The following PRKCI variants were observed in gnomAD, a reference collection of about 807,000 sequenced individuals.
The protein encoded by PRKCI is protein kinase C iota type.
Under a neutral mutation model 84.0 loss-of-function variants are expected in PRKCI, and 43 were observed. The ratio of observed to expected loss-of-function variants is 0.51; its 90% CI spans 0.40 to 0.66. The LOEUF is 0.66. Among genes scored for constraint, PRKCI ranks in the 30% least tolerant of loss-of-function variants. The pLI, the probability that PRKCI is intolerant of heterozygous loss-of-function variation, is 0.00. For missense variants in PRKCI, 459 were observed against 745.6 expected (o/e 0.62, Z 4.48); for synonymous variants, 216 against 234.4 (o/e 0.92, Z 0.72).
At chr3:170,254,026 G>A (rs1434886402) in intron 2 of PRKCI, among the ~76,000 whole-genome samples, 1 of 151,664 alleles carries the variant, frequency 6.6e-6, no homozygotes, top group African/African-American at 2.4e-5. Context: ...GAACCCAGGA[G>A]GCAGAGGTTG....
At chr3:170,279,142 C>G (rs1490433348) in intron 8 of PRKCI, among the ~76,000 whole-genome samples, 2 of 152,192 alleles carry the variant, frequency 1.3e-5, no homozygotes, top group South Asian at 4.1e-4. Flanking sequence ...ATCCTCCCAC[C>G]TCAGCCTCCC....
intron 1 of PRKCI, among the ~76,000 whole-genome samples, chr3:170,224,940 G>A (rs1437916163): frequency 2.0e-5 from 3 of 152,098 alleles, no homozygotes; most frequent in Non-Finnish European, 4.4e-5. Context: ...ATGTAAATAG[G>A]CCCAGTTAGT....
intron 1 of PRKCI, among the ~76,000 whole-genome samples, chr3:170,229,645 T>C (rs1732735299): frequency 6.6e-6 from 1 of 152,186 alleles, no homozygotes; most frequent in African/African-American, 2.4e-5. Flanking sequence ...TTTAAAGTTG[T>C]CTTCATCAAC....
chr3:170,285,660 A>G (rs774341341), intron 12 of PRKCI, among the ~76,000 whole-genome samples: 3 of 152,230 alleles, frequency 2.0e-5, no homozygotes, highest in Non-Finnish European at 4.4e-5. Context: ...CATGCATTAA[A>G]GAATAAAATC....
chr3:170,295,628 A>C (rs1207911797), intron 14 of PRKCI, among the ~76,000 whole-genome samples: 1 of 150,940 alleles, frequency 6.6e-6, no homozygotes, highest in East Asian at 2.0e-4. Flanking sequence ...GTGAGCTGAG[A>C]TCGTGCCACT....
intron 2 of PRKCI, among the ~76,000 whole-genome samples, chr3:170,256,676 G>C (rs1733588810): frequency 6.6e-6 from 1 of 151,978 alleles, no homozygotes. Context: ...TTTCTGCCCC[G>C]ATCTTTATTA....
At chr3:170,290,753 A>G (rs1430894131) in intron 12 of PRKCI, among the ~76,000 whole-genome samples, 1 of 151,706 alleles carries the variant, frequency 6.6e-6, no homozygotes, top group Non-Finnish European at 1.5e-5. Flanking sequence ...TATTTGTTAC[A>G]ATTTCTTGGT....
chr3:170,275,546 A>G (rs1734095211), intron 8 of PRKCI, among the ~76,000 whole-genome samples: 1 of 152,144 alleles, frequency 6.6e-6, no homozygotes, highest in Non-Finnish European at 1.5e-5. Context: ...ATTTAAGGAT[A>G]CTGTTTAAAA....
In PRKCI at chr3:170,304,303, C is replaced by A. The variant is rs2108870537; in HGVS notation, c.*1176C>A. On this transcript the variant is annotated 3_prime_UTR_variant, in exon 18 of 18. Coordinates refer to ENST00000295797, the MANE Select transcript of PRKCI (RefSeq NM_002740.6). The stretch of plus-strand genomic sequence containing the variant: ...TATTTCCTATTGGAGAGTGAATCCC[C>A]ACAGTTGCTTTTTGTGACTTGATTC... The A allele has an allele frequency of 6.6e-6, 1 of 152,236 alleles. No homozygotes were observed. The highest frequency in any genetic ancestry group is 2.1e-4 in the South Asian group (1 of 4,822). The allele number at this position is 152,236 out of a possible 1,614,324, so 9.4% of individuals were successfully genotyped here. A position where few individuals can be genotyped will look rare whatever the true frequency, so the allele number is the denominator to read the frequency against.
rs555601105 is a variant in PRKCI, at chr3:170,304,819, A to G, written c.*1692A>G. ...TATCTAAATTACTTAAAATTTTTTAATCTTAGTAAAAATTTTAGGAAAGTT... is the reference window on the plus strand; with the variant it reads ...TATCTAAATTACTTAAAATTTTTTAGTCTTAGTAAAAATTTTAGGAAAGTT... On this transcript the variant is annotated 3_prime_UTR_variant, in exon 18 of 18. Transcript: ENST00000295797. 6.6e-6 allele frequency: 1 copy of G among 152,264 alleles called. No homozygotes were observed. The highest frequency in any genetic ancestry group is 6.5e-5 in the Admixed American group (1 of 15,294). 9.4% of individuals were successfully genotyped at this position (152,264 alleles called of 1,614,324 possible). A position where few individuals can be genotyped will look rare whatever the true frequency, so the allele number is the denominator to read the frequency against.
intron 12 of PRKCI, among the ~76,000 whole-genome samples, chr3:170,286,268 T>G (rs145496857): frequency 0.012 from 1,791 of 152,160 alleles, 39 homozygotes; most frequent in African/African-American, 0.041. Context: ...CATAAACAAT[T>G]AGAAAGCTTA....
At chr3:170,284,360 G>T in intron 11 of PRKCI, 101 bp from the exon 12 acceptor site, 1 of 1,043,248 alleles carries the variant, frequency 9.6e-7, no homozygotes, top group Non-Finnish European at 1.3e-6. Flanking sequence ...AAATCACTGG[G>T]AGAAAAAAAT....
intron 2 of PRKCI, among the ~76,000 whole-genome samples, chr3:170,251,061 C>T (rs1733431619): frequency 6.6e-6 from 1 of 151,986 alleles, no homozygotes; most frequent in South Asian, 2.1e-4. Flanking sequence ...ATTTAATCCA[C>T]AGTAGCGACA....
chr3:170,278,963 G>T (rs1002966576), intron 8 of PRKCI, among the ~76,000 whole-genome samples: 3 of 152,326 alleles, frequency 2.0e-5, no homozygotes, highest in Middle Eastern at 3.4e-3. Flanking sequence ...TCACATTTCA[G>T]CATGAGATTT....
intron 8 of PRKCI, 73 bp downstream of exon 8, chr3:170,275,360 A>C: frequency 7.1e-7 from 1 of 1,414,700 alleles, no homozygotes; most frequent in Non-Finnish European, 9.5e-7. Context: ...AAAGTATGAC[A>C]TATTGACCTG....
chr3:170,227,382 C>T (rs1577336527), intron 1 of PRKCI, among the ~76,000 whole-genome samples: 2 of 152,070 alleles, frequency 1.3e-5, no homozygotes, highest in East Asian at 3.8e-4. Flanking sequence ...AATTAAGAGA[C>T]TTGTGGAGGG....
At chr3:170,256,510 TG>T (rs1208236088) in intron 2 of PRKCI, among the ~76,000 whole-genome samples, 2 of 152,202 alleles carry the variant, frequency 1.3e-5, no homozygotes, top group Non-Finnish European at 2.9e-5. Context: ...CAGTATTAGT[TG>T]TATTGTCTCC....
chr3:170,270,494 A>G lies in PRKCI; in HGVS notation c.524A>G (p.Lys175Arg), dbSNP rs1733974957. ...GRQGYKCINC[K>R]LLVHKKCHKL... is the part of the protein sequence containing the mutation. ...CAAGGATATAAGTGCATCAACTGCA[A>G]ACTCTTGGTTCATAAGAAGTGCCAT... Residue 175 changes from lysine to arginine, a missense_variant, in exon 6 of 18, where the codon AAA (lysine) becomes AGA (arginine). Lys to Arg is a conservative substitution (Grantham distance 26). Around this residue, in one of 2 missense-constraint regions of PRKCI, gnomAD observed 250 missense variants for 319.7 expected, o/e 0.78. Transcript: ENST00000295797. 3 of 1,613,988 alleles carry G rather than the reference A, an allele frequency of 1.9e-6. No homozygotes were observed. The highest frequency in any genetic ancestry group is 1.7e-6 in the Non-Finnish European group (2 of 1,179,978).
chr3:170,228,978 C>T lies in PRKCI; in HGVS notation c.101+6208C>T, dbSNP rs1225287624. Among the ~76,000 whole-genome samples the T allele has an allele frequency of 3.9e-5, 6 of 152,060 alleles. No individual in the cohort carries two copies. The East Asian group carries it at 1.2e-3, about 29-fold the overall frequency. The stretch of plus-strand genomic sequence containing the variant: ...ATAAGTGAGAATATGTGGTATCTGG[C>T]TTTTTGTTTCTGATTTTTTTGACTA... On this transcript the variant is annotated intron_variant, in intron 1 of 17. Coordinates refer to ENST00000295797, the MANE Select transcript of PRKCI (RefSeq NM_002740.6).
Sources: gnomAD v4.1 joint callset for allele counts (sites outside exome capture counted in the v4.1 genomes callset) on GRCh38, gnomAD v4.1.1 for gene constraint, gnomAD v4.1.1 regional missense constraint, MANE v1.5 for transcripts, NCBI Gene and HGNC (gene_info 2026-07-23, HGNC 2026-07-21) for gene names.